NEGR1: variants seen among roughly 807,000 people sequenced by gnomAD.
NEGR1 encodes neuronal growth regulator 1.
In NEGR1, 10 loss-of-function variants were observed where a neutral mutation model predicts 40.9. The observed-to-expected ratio is 0.24, with a 90% CI of 0.15 to 0.42. NEGR1 has a LOEUF of 0.42. NEGR1 is among the 10% of genes least tolerant of loss of function. NEGR1 has a pLI of 1.00. For synonymous variants in NEGR1, 185 were observed against 166.8 expected, an observed-to-expected ratio of 1.11 and a Z score of -0.84; for missense variants, 352 against 438.9, an observed-to-expected ratio of 0.80 and a Z score of 1.77.
At chr1:71,460,467 A>G (rs1646706988) in intron 6 of NEGR1, among the ~76,000 whole-genome samples, 1 of 152,216 alleles carries the variant, frequency 6.6e-6, no homozygotes, top group East Asian at 1.9e-4. Flanking sequence ...CTTGGTCTTC[A>G]AGCCCTGATG....
At chr1:72,210,540 C>T (rs756336941) in intron 1 of NEGR1, among the ~76,000 whole-genome samples, 14 of 151,864 alleles carry the variant, frequency 9.2e-5, no homozygotes, top group Non-Finnish European at 1.5e-4. Flanking sequence ...ATTTGGCAGA[C>T]ATTTGCTTGA....
intron 1 of NEGR1, among the ~76,000 whole-genome samples, chr1:72,048,482 C>T (rs538579656): frequency 2.0e-5 from 3 of 151,354 alleles, no homozygotes; most frequent in East Asian, 1.9e-4. Flanking sequence ...AATGTGTAAG[C>T]GCCTTCAAGT....
chr1:71,729,852 T>TC (rs1654797893), intron 3 of NEGR1, among the ~76,000 whole-genome samples: 3 of 151,592 alleles, frequency 2.0e-5, no homozygotes, highest in Admixed American at 2.0e-4. Context: ...TTTTTGGTTT[T>TC]TTTTTTTTGT....
chr1:72,275,257 A>G (rs1381998245), intron 1 of NEGR1: 1 of 554,872 alleles, frequency 1.8e-6, no homozygotes, highest in Non-Finnish European at 3.2e-6. Flanking sequence ...TAAAAGTTAT[A>G]CCACATTTTT....
chr1:72,181,528 T>C (rs1652371135), intron 1 of NEGR1, among the ~76,000 whole-genome samples: 2 of 152,068 alleles, frequency 1.3e-5, no homozygotes, highest in South Asian at 2.1e-4. Context: ...CAAGCAAACA[T>C]AGAACCACCA....
At chr1:71,730,963 A>G (rs964946479) in intron 3 of NEGR1, among the ~76,000 whole-genome samples, 1 of 150,560 alleles carries the variant, frequency 6.6e-6, no homozygotes, top group Non-Finnish European at 1.5e-5. Flanking sequence ...ATGGAAAAGA[A>G]AGCTAAAGGT....
At chr1:71,971,985 A>G (rs1441520883) in intron 1 of NEGR1, among the ~76,000 whole-genome samples, 4 of 152,232 alleles carry the variant, frequency 2.6e-5, no homozygotes, top group Admixed American at 2.6e-4. Context: ...TTTTAGGAAA[A>G]TAATAGAGTA....
At chr1:71,699,882 G>A (rs1355420844) in intron 3 of NEGR1, among the ~76,000 whole-genome samples, 1 of 151,734 alleles carries the variant, frequency 6.6e-6, no homozygotes, top group Non-Finnish European at 1.5e-5. Context: ...GGTTTATCAG[G>A]GGTTTCTGCT....
At chr1:71,426,401 A>G (rs1212584190) in intron 6 of NEGR1, among the ~76,000 whole-genome samples, 1 of 152,218 alleles carries the variant, frequency 6.6e-6, no homozygotes, top group Admixed American at 6.5e-5. Flanking sequence ...ATGAGGTAAA[A>G]AGGCAGTCTC....
intron 6 of NEGR1, among the ~76,000 whole-genome samples, chr1:71,584,335 T>A (rs2101509240): frequency 6.6e-6 from 1 of 152,258 alleles, no homozygotes; most frequent in Non-Finnish European, 1.5e-5. Context: ...AGTTAATTCC[T>A]CCTCTTTTTA....
Position 71,604,234 on chromosome 1 carries a change from C to T in NEGR1, c.788+6792G>A, listed in dbSNP as rs879692887. 2.6e-5 allele frequency among the ~76,000 whole-genome samples: 4 copies of T among 151,982 alleles called. No homozygotes were observed. The East Asian group carries it at 5.8e-4, about 22-fold the overall frequency. On this transcript the variant is annotated intron_variant, in intron 5 of 6. Transcript: ENST00000357731. ...TAAGAATTGACTCTATGTAAGTGAA[C>T]GAATGTGAACATTTTGCAAAGCCAC... is the stretch of plus-strand genomic sequence containing the variant.
chr1:71,451,097 A>C (rs1211785486), intron 6 of NEGR1, among the ~76,000 whole-genome samples: 3 of 152,182 alleles, frequency 2.0e-5, no homozygotes, highest in African/African-American at 7.2e-5. Flanking sequence ...CAATTACACC[A>C]GTGGGACATT....
At chr1:71,553,981 G>C (rs1386073009) in intron 6 of NEGR1, among the ~76,000 whole-genome samples, 6 of 151,450 alleles carry the variant, frequency 4.0e-5, no homozygotes, top group Admixed American at 1.3e-4. Context: ...TAGGCTTACA[G>C]AAAAGAGTTT....
intron 1 of NEGR1, among the ~76,000 whole-genome samples, chr1:72,002,806 G>A (rs923729656): frequency 6.6e-6 from 1 of 151,984 alleles, no homozygotes; most frequent in African/African-American, 2.4e-5. Context: ...TTGCACCAAG[G>A]AATTTACCAC....
intron 1 of NEGR1, among the ~76,000 whole-genome samples, chr1:72,089,628 G>A (rs936734654): frequency 2.0e-5 from 3 of 151,806 alleles, no homozygotes; most frequent in Non-Finnish European, 4.4e-5. Flanking sequence ...ACATATCTTG[G>A]TACTTACATT....
chr1:71,409,029 A>T (rs547541714), intron 6 of NEGR1: 1 of 152,038 alleles, frequency 6.6e-6, no homozygotes, highest in East Asian at 1.9e-4. Flanking sequence ...GGATTTGAAC[A>T]CTGAGACTAC....
intron 6 of NEGR1, among the ~76,000 whole-genome samples, chr1:71,449,825 A>G (rs1646612174): frequency 6.6e-6 from 1 of 152,084 alleles, no homozygotes; most frequent in African/African-American, 2.4e-5. Context: ...AGAACTTCAA[A>G]TCTTAGACCA....
intron 6 of NEGR1, among the ~76,000 whole-genome samples, chr1:71,513,200 T>C (rs1405937944): frequency 1.3e-5 from 2 of 152,182 alleles, no homozygotes; most frequent in Non-Finnish European, 2.9e-5. Context: ...TTTTTTGTTG[T>C]TAACTAAGCA....
chr1:71,489,679 C>A (rs1646912674), intron 6 of NEGR1: 2 of 151,496 alleles, frequency 1.3e-5, no homozygotes. Flanking sequence ...TTTCTTTTTT[C>A]TTTTTTCTTT....
Sources: gnomAD v4.1 joint callset for allele counts (sites outside exome capture counted in the v4.1 genomes callset) on GRCh38, gnomAD v4.1.1 for gene constraint, MANE v1.5 for transcripts, NCBI Gene and HGNC (gene_info 2026-07-23, HGNC 2026-07-21) for gene names.